Variants in PDE1C observed in about 807,000 individuals in gnomAD.
PDE1C encodes the protein phosphodiesterase 1C.
Under a neutral mutation model 93.1 loss-of-function variants are expected in PDE1C, and 62 were observed. The observed-to-expected ratio is 0.67, with a 90% confidence interval of 0.54 to 0.82. The LOEUF is 0.82. PDE1C is among the 40% of genes least tolerant of loss of function. The pLI is 0.00. For missense variants in PDE1C, 742 were observed against 884.6 expected, an observed-to-expected ratio of 0.84 and a Z score of 2.04; for synonymous variants, 325 against 310.1, an observed-to-expected ratio of 1.05 and a Z score of -0.50.
intron 16 of PDE1C, chr7:31,789,842 T>G: frequency 9.9e-7 from 1 of 1,013,288 alleles, no homozygotes; most frequent in Non-Finnish European, 1.2e-6. Flanking sequence ...AAATGGCAAT[T>G]ACTGTGTGTG....
At chr7:32,081,145 G>A (rs1796641037) in intron 3 of PDE1C, among the ~76,000 whole-genome samples, 1 of 152,218 alleles carries the variant, frequency 6.6e-6, no homozygotes, top group Non-Finnish European at 1.5e-5. Context: ...CTTCCCTGCT[G>A]CCTTAGCTAA....
intron 3 of PDE1C, among the ~76,000 whole-genome samples, chr7:32,086,630 C>G (rs1359454188): frequency 1.1e-4 from 16 of 152,210 alleles, no homozygotes; most frequent in Non-Finnish European, 2.1e-4. Context: ...GTAACCAAAA[C>G]AGCATGGTAC....
intron 2 of PDE1C, among the ~76,000 whole-genome samples, chr7:31,881,904 A>G (rs1192694930): frequency 6.6e-6 from 1 of 152,234 alleles, no homozygotes; most frequent in Non-Finnish European, 1.5e-5. Context: ...ACAGATAACC[A>G]AATGAGAAAA....
intron 2 of PDE1C, among the ~76,000 whole-genome samples, chr7:32,008,739 G>GA (rs571030610): frequency 5.6e-4 from 84 of 149,912 alleles, no homozygotes; most frequent in East Asian, 1.8e-3. Flanking sequence ...TTAGTGAACT[G>GA]AAAAAAAAAG....
chr7:31,697,172 C>T, the PDE1C span: 1 of 1,588,156 alleles, frequency 6.3e-7, no homozygotes, highest in East Asian at 2.2e-5. Context: ...GGTCAAGAAC[C>T]TTACCATCTG....
chr7:32,256,042 T>C (rs1012075162), intron 1 of PDE1C, among the ~76,000 whole-genome samples: 1 of 152,150 alleles, frequency 6.6e-6, no homozygotes, highest in African/African-American at 2.4e-5. Flanking sequence ...AGGTTAGAGC[T>C]GCTCAAAGAC....
rs1794124024 is a variant in PDE1C at position 31,751,242 on chromosome 7, T to C, written c.*2142A>G. 1 of 152,192 alleles carries C rather than the reference T, an allele frequency of 6.6e-6. No homozygotes were observed. The highest frequency in any genetic ancestry group is 1.5e-5 in the Non-Finnish European group (1 of 68,034). 9.4% of individuals were successfully genotyped at this position (152,192 alleles called of 1,614,324 possible). A position where few individuals can be genotyped will look rare whatever the true frequency, so the allele number is the denominator to read the frequency against. ...ATCTGCATTTCTATACAATCCATTA[T>C]GCAAAAAACATGGTAGGCATTTTAT... On this transcript the variant is annotated 3_prime_UTR_variant, in exon 18 of 18. Transcript: ENST00000396191.
At chr7:32,115,204 G>A (rs904351882) in intron 3 of PDE1C, among the ~76,000 whole-genome samples, 2 of 152,050 alleles carry the variant, frequency 1.3e-5, no homozygotes, top group African/African-American at 4.8e-5. Flanking sequence ...GCAAAGACAT[G>A]GAATCAACCC....
At chr7:32,187,771 A>G (rs1803978810) in intron 2 of PDE1C, among the ~76,000 whole-genome samples, 1 of 152,254 alleles carries the variant, frequency 6.6e-6, no homozygotes, top group South Asian at 2.1e-4. Context: ...TAAATCAAAA[A>G]TCTGGTCATT....
At chr7:32,356,439 T>C (rs954808299) in intron 1 of PDE1C, among the ~76,000 whole-genome samples, 2 of 152,234 alleles carry the variant, frequency 1.3e-5, no homozygotes, top group African/African-American at 2.4e-5. Flanking sequence ...CTGTTAAAAG[T>C]GGACACAAGA....
intron 1 of PDE1C, among the ~76,000 whole-genome samples, chr7:32,348,850 C>A (rs1359414033): frequency 6.6e-6 from 1 of 152,144 alleles, no homozygotes; most frequent in African/African-American, 2.4e-5. Context: ...CTGTTCTGTA[C>A]AGGTGAGCTC....
intron 2 of PDE1C, among the ~76,000 whole-genome samples, chr7:32,031,597 G>A (rs547565260): frequency 5.9e-5 from 9 of 152,282 alleles, no homozygotes; most frequent in Non-Finnish European, 8.8e-5. Flanking sequence ...TCTTGGCCAC[G>A]TTGCATAGCT....
intron 5 of PDE1C, among the ~76,000 whole-genome samples, chr7:31,877,439 C>T (rs1796729407): frequency 6.6e-6 from 1 of 152,006 alleles, no homozygotes; most frequent in Non-Finnish European, 1.5e-5. Flanking sequence ...GGGACAAAGG[C>T]TCTCAGGCCA....
chr7:31,942,515 C>T (rs1805990718), intron 2 of PDE1C, among the ~76,000 whole-genome samples: 1 of 151,998 alleles, frequency 6.6e-6, no homozygotes, highest in African/African-American at 2.4e-5. Flanking sequence ...TTAAACTAAT[C>T]CAAGGAGTAT....
chr7:31,730,880 C>T, the PDE1C span, among the ~76,000 whole-genome samples: 1 of 151,652 alleles, frequency 6.6e-6, no homozygotes, highest in Non-Finnish European at 1.5e-5. Context: ...GAAGGATGAA[C>T]AAAAGAGGAA....
the PDE1C span, chr7:31,687,427 C>A: frequency 6.6e-6 from 1 of 152,272 alleles, no homozygotes; most frequent in East Asian, 1.9e-4. Flanking sequence ...TGGAGCAAGG[C>A]TAAGCTGGGG....
rs70989652 is a variant in PDE1C, at chr7:32,372,052, AT to A, written c.310+55769del. Among the ~76,000 whole-genome samples, 263 of 132,444 alleles carry A rather than the reference AT, an allele frequency of 2.0e-3. 4 individuals carry two copies. Among genetic ancestry groups the A allele is most frequent in the African/African-American group, 6.5e-3 (227 of 35,166 alleles). 86.9% of individuals were successfully genotyped at this position (132,444 alleles called of 152,430 possible). On this transcript the variant is annotated intron_variant, in intron 1 of 1. Transcript: ENST00000672256. ...AAACCCAAACATCTATGGTCAATTG[AT>A]TTTTTTTTTTTTTTTTTTGAGACAG...
chr7:31,721,608 C>G, the PDE1C span, among the ~76,000 whole-genome samples: 1 of 152,118 alleles, frequency 6.6e-6, no homozygotes, highest in Non-Finnish European at 1.5e-5. Context: ...TTGCAAGATA[C>G]CTTAGCATCC....
chr7:31,734,692 G>A, the PDE1C span, among the ~76,000 whole-genome samples: 810 of 152,260 alleles, frequency 5.3e-3, 44 homozygotes, highest in East Asian at 0.12. Context: ...AATAAGGGCG[G>A]TGTTGTCCCA....
Sources: gnomAD v4.1 joint callset for allele counts (sites outside exome capture counted in the v4.1 genomes callset) on GRCh38, gnomAD v4.1.1 for gene constraint, MANE v1.5 for transcripts, NCBI Gene and HGNC (gene_info 2026-07-23, HGNC 2026-07-21) for gene names.